STAT3: variants seen among roughly 807,000 people sequenced by gnomAD.
STAT3 encodes the protein DNA-binding protein APRF.
Under a neutral mutation model 114.3 loss-of-function variants are expected in STAT3, and 7 were observed. That is an observed-to-expected ratio of 0.06 (90% CI 0.03 to 0.11). The LOEUF is 0.11. Among genes scored for constraint, STAT3 ranks in the 10% least tolerant of loss-of-function variants. The pLI is 1.00. For synonymous variants in STAT3, 331 were observed against 354.5 expected, an observed-to-expected ratio of 0.93 and a Z score of 0.74; for missense variants, 364 against 960.9, an observed-to-expected ratio of 0.38 and a Z score of 8.21.
rs17881940 is a variant in STAT3 at position 42,324,649 on chromosome 17, C to G, written c.1600+62G>C. ...AGTAGACATGGCCCAAATGAACAGC[C>G]CTATGGGCCGGATCCCTTTTCTGGG... On this transcript the variant is annotated intron_variant, in intron 17 of 23. Coordinates refer to ENST00000264657, the MANE Select transcript of STAT3 (RefSeq NM_139276.3). This position sits in a 1 kb window ranked among gnomAD's most constrained non-coding sequence, Gnocchi z 4.5. The G allele has an allele frequency of 0.083, 123,484 of 1,493,192 alleles. 5,205 individuals are homozygous for G. The highest frequency in any genetic ancestry group is 0.099 in the South Asian group (8,113 of 82,232). 92.5% of individuals were successfully genotyped at this position (1,493,192 alleles called of 1,614,324 possible).
Position 42,323,346 on chromosome 17 carries a change from C to T in STAT3, c.1662G>A (p.Met554Ile). 1 of 1,614,156 alleles carries T rather than the reference C, an allele frequency of 6.2e-7. No homozygotes were observed. The highest frequency in any genetic ancestry group is 8.5e-7 in the Non-Finnish European group (1 of 1,180,024). Residue 554 changes from methionine to isoleucine, a missense_variant, in exon 19 of 24, where the codon ATG (methionine) becomes ATA (isoleucine). Physicochemically the swap from Met to Ile is conservative, Grantham distance 10 (BLOSUM62 1). Transcript: ENST00000264657. ...ITWAKFCKENMAGKGFSFWVW... is the reference protein window; with the variant it reads ...ITWAKFCKENIAGKGFSFWVW... ...CCCAGAAGGAGAAGCCCTTGCCAGC[C>T]ATGTTTTCCTGGAGAAAAGAGTAAT...
rs3816769 is a variant in STAT3 at position 42,346,255 on chromosome 17, T to C, written c.273+314A>G. Among the ~76,000 whole-genome samples the C allele has an allele frequency of 0.35, 53,647 of 152,028 alleles. 9,702 individuals are homozygous for C. The highest frequency in any genetic ancestry group is 0.46 in the South Asian group (2,223 of 4,824). ...GACTTAGTCAAGAAGTATCCCATTA[T>C]GGTCAAACATTTAACATGTAACAGT... On this transcript the variant is annotated intron_variant, in intron 3 of 23. Transcript: ENST00000264657.
At position 42,337,720 on chromosome 17, in the gene STAT3, T is replaced by C. The variant is rs1479383445; in HGVS notation, c.645+43A>G. The C allele has an allele frequency of 6.2e-7, 1 of 1,612,652 alleles. No individual in the cohort carries two copies. The highest frequency in any genetic ancestry group is 1.1e-5 in the South Asian group (1 of 91,030). ...CCACAAGACGCTGAAATCCCGCAAG[T>C]GAGCGAGACACATGGGGGAAGTGGT... On this transcript the variant is annotated intron_variant, in intron 7 of 23. Coordinates refer to ENST00000264657, the MANE Select transcript of STAT3 (RefSeq NM_139276.3). The surrounding 1 kb of genome is among the most constrained non-coding windows in gnomAD (Gnocchi z 4.0).
At chr17:42,360,253 G>A (rs1041791439) in intron 1 of STAT3, among the ~76,000 whole-genome samples, 7 of 150,986 alleles carry the variant, frequency 4.6e-5, no homozygotes, top group African/African-American at 1.5e-4. Context: ...GGCTGGTCTC[G>A]AACTCCTAGG....
chr17:42,324,658 C>G lies in STAT3; in HGVS notation c.1600+53G>C. The G allele has an allele frequency of 6.7e-7, 1 of 1,487,416 alleles. No individual in the cohort carries two copies. Among genetic ancestry groups the G allele is most frequent in the Non-Finnish European group, 8.9e-7 (1 of 1,119,952 alleles). 92.1% of individuals were successfully genotyped at this position (1,487,416 alleles called of 1,614,324 possible). ...GGCCCAAATGAACAGCCCTATGGGC[C>G]GGATCCCTTTTCTGGGCGGGTGGGC... On this transcript the variant is annotated intron_variant, in intron 17 of 23. Transcript: ENST00000264657. This position sits in a 1 kb window ranked among gnomAD's most constrained non-coding sequence, Gnocchi z 4.5.
chr17:42,359,763 G>T (rs544925692), intron 1 of STAT3, among the ~76,000 whole-genome samples: 2 of 152,106 alleles, frequency 1.3e-5, no homozygotes, highest in South Asian at 4.1e-4. Flanking sequence ...CTGAGGCACA[G>T]AATTTTAAGT....
In STAT3 at chr17:42,320,727, T is replaced by TAAAAAA. The variant is rs756271214; in HGVS notation, c.2101+1549_2101+1554dup. ...TTGGGTGATAGAGCAAGACTTAGTCTAAAAAAAAAAAAAAAAAAAAAGCCC... is the reference window on the plus strand; with the variant it reads ...TTGGGTGATAGAGCAAGACTTAGTCTAAAAAAAAAAAAAAAAAAAAAAAAAAAGCCC... On this transcript the variant is annotated intron_variant, in intron 21 of 23. Coordinates refer to ENST00000264657, the MANE Select transcript of STAT3 (RefSeq NM_139276.3). Among the ~76,000 whole-genome samples, 2 of 60,092 alleles carry TAAAAAA rather than the reference T, an allele frequency of 3.3e-5. 1 individual carries two copies. Among genetic ancestry groups the TAAAAAA allele is most frequent in the Non-Finnish European group, 6.6e-5 (2 of 30,482 alleles). The allele number at this position is 60,092 out of a possible 152,430, so 39.4% of individuals were successfully genotyped here.
chr17:42,316,632 T>A, intron 23 of STAT3, 157 bp downstream of exon 23: 1 of 1,529,338 alleles, frequency 6.5e-7, no homozygotes, highest in Non-Finnish European at 8.8e-7. Flanking sequence ...AGATTTATAC[T>A]CACACATGTG....
At chr17:42,388,248 C>A in intron 1 of STAT3, 31 bp downstream of exon 1, 4 of 1,231,846 alleles carry the variant, frequency 3.2e-6, no homozygotes, top group Non-Finnish European at 4.0e-6. Flanking sequence ...CCCCAGGCCT[C>A]CCCAACGGCC....
rs189708970 is a variant in STAT3, at chr17:42,329,584, G to A, written c.1203C>T (p.Asn401=). The A allele has an allele frequency of 2.0e-5, 33 of 1,614,224 alleles. No homozygotes were observed. Among genetic ancestry groups the A allele is most frequent in the African/African-American group, 8.0e-5 (6 of 75,046 alleles). Residue 401 remains asparagine, a synonymous_variant, in exon 13 of 24, where the codon AAC becomes AAT. Coordinates refer to ENST00000264657, the MANE Select transcript of STAT3 (RefSeq NM_139276.3). The part of the protein sequence containing the change: ...TKVMNMEESN[N]GSLSAEFKHL... ...GTTTGAATTCTGCAGAGAGGCTGCC[G>A]TTGTTGGATTCTTCCATGTTCATCA...
Position 42,314,074 on chromosome 17 carries a change from G to A in STAT3, c.*1671C>T, listed in dbSNP as rs1053004. 0.53 allele frequency: 123,143 copies of A among 231,740 alleles called. 37,779 individuals carry two copies. Among genetic ancestry groups the A allele is most frequent in the Admixed American group, 0.7 (12,342 of 17,734 alleles). The allele number at this position is 231,740 out of a possible 1,614,324, so 14.4% of individuals were successfully genotyped here. On this transcript the variant is annotated 3_prime_UTR_variant, in exon 24 of 24. Transcript: ENST00000264657. ...GTGTTCCCATACGCACAGGAGAGGC[G>A]AGCTAGCCAGCCAAGGCGGGCAGGC... is the stretch of plus-strand genomic sequence containing the variant.
chr17:42,385,061 C>T (rs1001405398), intron 1 of STAT3, among the ~76,000 whole-genome samples: 1 of 152,132 alleles, frequency 6.6e-6, no homozygotes, highest in African/African-American at 2.4e-5. Flanking sequence ...GAACAGCTAC[C>T]TTGTTAGCAC....
rs111385887 is a variant in STAT3, at chr17:42,318,545, G to A, written c.2102-1321C>T. 1.5e-3 allele frequency among the ~76,000 whole-genome samples: 233 copies of A among 152,340 alleles called. 1 individual carries two copies. Among genetic ancestry groups the A allele is most frequent in the African/African-American group, 4.7e-3 (197 of 41,564 alleles). Reference sequence around the variant, plus strand: ...TAATTCTTGTTCTACAGTTAGAAATGCGTTGACGGGAATAAAATGAATTTT... The same window carrying A: ...TAATTCTTGTTCTACAGTTAGAAATACGTTGACGGGAATAAAATGAATTTT... On this transcript the variant is annotated intron_variant, in intron 21 of 23. Transcript: ENST00000264657.
intron 1 of STAT3, among the ~76,000 whole-genome samples, chr17:42,363,034 C>G (rs1021630721): frequency 8.5e-5 from 13 of 152,214 alleles, no homozygotes; most frequent in African/African-American, 2.9e-4. Flanking sequence ...AGAGTCTTGG[C>G]TTTTGCTCAC....
At chr17:42,362,710 C>A (rs1035803229) in intron 1 of STAT3, among the ~76,000 whole-genome samples, 4 of 152,154 alleles carry the variant, frequency 2.6e-5, no homozygotes, top group African/African-American at 9.7e-5. Context: ...ACAAATTCAT[C>A]GAGCTAATGA....
chr17:42,328,761 G>C (rs2081856548), intron 14 of STAT3, among the ~76,000 whole-genome samples: 1 of 151,988 alleles, frequency 6.6e-6, no homozygotes, highest in African/African-American at 2.4e-5. Context: ...AAAAGAACGG[G>C]GCATCACAAT....
At chr17:42,344,772 G>A (rs1026410211) in intron 4 of STAT3, among the ~76,000 whole-genome samples, 1 of 150,322 alleles carries the variant, frequency 6.7e-6, no homozygotes, top group Admixed American at 6.6e-5. Flanking sequence ...AGCTGGTCTC[G>A]AACTCCTGAG....
chr17:42,349,893 C>T (rs1177017246), intron 1 of STAT3, among the ~76,000 whole-genome samples: 2 of 152,142 alleles, frequency 1.3e-5, no homozygotes, highest in Non-Finnish European at 1.5e-5. Flanking sequence ...CCTGTCTCTA[C>T]TAAAAACACA....
At chr17:42,359,323 A>G (rs2083394312) in intron 1 of STAT3, among the ~76,000 whole-genome samples, 1 of 152,172 alleles carries the variant, frequency 6.6e-6, no homozygotes, top group Non-Finnish European at 1.5e-5. Context: ...TGTGATAATC[A>G]CTAATCAGCT....
Sources: allele counts gnomAD v4.1 joint callset (sites outside exome capture counted in the v4.1 genomes callset), GRCh38; gene constraint gnomAD v4.1.1; non-coding constraint Gnocchi (gnomAD v3.1); transcripts MANE v1.5; gene names NCBI Gene and HGNC (gene_info 2026-07-23, HGNC 2026-07-21).